ALMS1: variants seen among roughly 807,000 people sequenced by gnomAD.
The protein encoded by ALMS1 is centrosome-associated protein ALMS1.
ALMS1 carries 271 observed loss-of-function variants against 352.2 expected under a neutral mutation model. That is an observed-to-expected ratio of 0.77 (90% CI 0.70 to 0.85). ALMS1 has a LOEUF of 0.85. Among genes scored for constraint, ALMS1 ranks in the 40% least tolerant of loss-of-function variants. The pLI is 0.00. For missense variants in ALMS1, 5,445 were observed against 4,870.7 expected (o/e 1.12, Z -3.51); for synonymous variants, 1,865 against 1,761.2 (o/e 1.06, Z -1.48).
At chr2:73,425,517 G>A (rs961043578) in intron 5 of ALMS1, among the ~76,000 whole-genome samples, 1 of 152,094 alleles carries the variant, frequency 6.6e-6, no homozygotes, top group African/African-American at 2.4e-5. Flanking sequence ...TTTTCAAGAG[G>A]AAAGAAACCA....
intron 7 of ALMS1, among the ~76,000 whole-genome samples, chr2:73,437,085 T>C (rs997246808): frequency 6.6e-6 from 1 of 151,902 alleles, no homozygotes; most frequent in Admixed American, 6.6e-5. Flanking sequence ...TAGTTCTTAA[T>C]TGCTCACCAC....
In ALMS1 at chr2:73,460,795, C is replaced by G. The variant is rs528279301; in HGVS notation, c.7674+5500C>G. On this transcript the variant is annotated intron_variant, in intron 9 of 22. Transcript: ENST00000613296. ...AACGGCACACCAGGAGATTATATCC[C>G]GCACATGGCTCGGAGGGTCCTACGC... Among the ~76,000 whole-genome samples the G allele has an allele frequency of 8.9e-4, 136 of 152,346 alleles. 1 individual carries two copies. Among genetic ancestry groups the G allele is most frequent in the South Asian group, 1.9e-3 (9 of 4,830 alleles).
At chr2:73,387,043 G>A (rs1054115964) in intron 1 of ALMS1, among the ~76,000 whole-genome samples, 2 of 152,194 alleles carry the variant, frequency 1.3e-5, no homozygotes, top group South Asian at 4.1e-4. Flanking sequence ...GTTCTTACCG[G>A]TTTTCAAGTG....
chr2:73,438,208 A>G (rs546110434), intron 7 of ALMS1, among the ~76,000 whole-genome samples: 2 of 152,330 alleles, frequency 1.3e-5, no homozygotes, highest in South Asian at 4.1e-4. Context: ...ATTTGTGTCC[A>G]TGTTTGATTC....
Position 73,469,576 on chromosome 2 carries a change from A to G in ALMS1, c.7674+14281A>G, listed in dbSNP as rs538725197. 32 of 152,116 alleles carry G rather than the reference A, an allele frequency of 2.1e-4. No homozygotes were observed. The South Asian group carries it at 6.6e-3, about 32-fold the overall frequency. The allele number at this position is 152,116 out of a possible 1,614,324, so 9.4% of individuals were successfully genotyped here. On this transcript the variant is annotated intron_variant, in intron 9 of 22. Transcript: ENST00000613296. Reference sequence around the variant, plus strand: ...AACAGAAGCGTGTAACAGATTAAACATTATGAGAGAGAAAAACTTTATTGA... The same window carrying G: ...AACAGAAGCGTGTAACAGATTAAACGTTATGAGAGAGAAAAACTTTATTGA...
chr2:73,578,739 A>G (rs1675107310), intron 16 of ALMS1, among the ~76,000 whole-genome samples: 1 of 152,188 alleles, frequency 6.6e-6, no homozygotes, highest in African/African-American at 2.4e-5. Flanking sequence ...CACAGATTAC[A>G]TCTTCATTTT....
In ALMS1 at chr2:73,408,728, G is replaced by A. The variant is rs890212033; in HGVS notation, c.431G>A (p.Arg144Gln). Residue 144 changes from arginine (R) to glutamine (Q), a missense_variant, in exon 2 of 23, where the codon CGG becomes CAG. Coordinates refer to ENST00000613296, the MANE Select transcript of ALMS1 (RefSeq NM_001378454.1). ...NVVCLETTAQ[R>Q]GSGDDQKTES... ...GTCTGTTTGGAAACAACAGCTCAGC[G>A]GGGTTCTGGGGATGATCAGGTATGT... The A allele has an allele frequency of 5.0e-6, 8 of 1,613,038 alleles. No homozygotes were observed. Among genetic ancestry groups the A allele is most frequent in the East Asian group, 4.5e-5 (2 of 44,852 alleles).
chr2:73,508,426 C>T (rs562167493), intron 10 of ALMS1, among the ~76,000 whole-genome samples: 16 of 151,994 alleles, frequency 1.1e-4, no homozygotes, highest in South Asian at 4.2e-4. Context: ...AGGATGGTCT[C>T]GATCTCCTGA....
At chr2:73,404,487 A>T (rs1271631947) in intron 1 of ALMS1, among the ~76,000 whole-genome samples, 1 of 151,366 alleles carries the variant, frequency 6.6e-6, no homozygotes, top group Non-Finnish European at 1.5e-5. Flanking sequence ...TTTTTAAATA[A>T]TGAAAGGGTG....
At chr2:73,436,003 T>A (rs1671598276) in intron 7 of ALMS1, among the ~76,000 whole-genome samples, 2 of 152,258 alleles carry the variant, frequency 1.3e-5, no homozygotes, top group African/African-American at 4.8e-5. Flanking sequence ...ATTTGTTTTG[T>A]TATGAAAATG....
At chr2:73,583,006 G>C (rs531081981) in intron 16 of ALMS1, among the ~76,000 whole-genome samples, 2 of 151,590 alleles carry the variant, frequency 1.3e-5, no homozygotes, top group African/African-American at 4.9e-5. Flanking sequence ...CAATGTACAA[G>C]GGTTCTAATT....
At chr2:73,596,375 A>G (rs750822806) in intron 16 of ALMS1, among the ~76,000 whole-genome samples, 6 of 152,012 alleles carry the variant, frequency 3.9e-5, no homozygotes, top group Non-Finnish European at 5.9e-5. Flanking sequence ...ATTTTCTCCA[A>G]TTAGTTGCTT....
At chr2:73,585,273 G>A (rs147269575) in intron 16 of ALMS1, among the ~76,000 whole-genome samples, 1,914 of 151,790 alleles carry the variant, frequency 0.013, 48 homozygotes, top group African/African-American at 0.044. Flanking sequence ...TTTTCACCAC[G>A]TCCACACCAA....
chr2:73,573,371 A>C lies in ALMS1; in HGVS notation c.11494A>C (p.Asn3832His). ...KRSKHSKKVL[N>H]TGHPLVTSEH... ...GAGCAAACACAGCAAGAAAGTGCTGAATACAGGTCATCCCCTAGTGACTTC... is the reference window on the plus strand; with the variant it reads ...GAGCAAACACAGCAAGAAAGTGCTGCATACAGGTCATCCCCTAGTGACTTC... The change falls in exon 16 of 23, where the codon AAT (asparagine) becomes CAT (histidine). Residue 3832 changes from asparagine (N) to histidine (H), a missense_variant. Asn to His is a moderately conservative substitution (Grantham distance 68). Coordinates refer to ENST00000613296, the MANE Select transcript of ALMS1 (RefSeq NM_001378454.1). 1 of 1,614,128 alleles carries C rather than the reference A, an allele frequency of 6.2e-7. No individual in the cohort carries two copies.
chr2:73,487,250 G>A (rs1672870263), intron 9 of ALMS1, among the ~76,000 whole-genome samples: 1 of 152,212 alleles, frequency 6.6e-6, no homozygotes, highest in Admixed American at 6.5e-5. Context: ...CATGAGCCAG[G>A]TGTGGAGTGG....
chr2:73,480,949 T>G lies in ALMS1; in HGVS notation c.7675-8685T>G, dbSNP rs1322373820. On this transcript the variant is annotated intron_variant, in intron 9 of 22. Transcript: ENST00000613296. The stretch of plus-strand genomic sequence containing the variant: ...TTTGTTTTTTTCTTGTAAATTTGTT[T>G]GAGTTCATTGTAGATTCTGGATATT... 1.5e-4 allele frequency among the ~76,000 whole-genome samples: 23 copies of G among 149,494 alleles called. 1 individual carries two copies. Among genetic ancestry groups the G allele is most frequent in the South Asian group, 4.3e-4 (2 of 4,656 alleles).
At chr2:73,529,683 T>C (rs1363725959) in intron 11 of ALMS1, among the ~76,000 whole-genome samples, 1 of 152,140 alleles carries the variant, frequency 6.6e-6, no homozygotes, top group Admixed American at 6.5e-5. Context: ...CTTGTAGAGG[T>C]ACCACCGTGG....
intron 2 of ALMS1, among the ~76,000 whole-genome samples, chr2:73,418,903 A>G (rs1671231103): frequency 6.6e-6 from 1 of 152,200 alleles, no homozygotes; most frequent in South Asian, 2.1e-4. Context: ...AACTTAGTAT[A>G]AAAGGTTTTT....
rs1343417364 is a variant in ALMS1 at position 73,519,915 on chromosome 2, A to G, written c.9680A>G (p.His3227Arg). 1.2e-6 allele frequency: 2 copies of G among 1,614,152 alleles called. No homozygotes were observed. The highest frequency in any genetic ancestry group is 2.2e-5 in the East Asian group (1 of 44,870). The change falls in exon 11 of 23, where the codon CAT becomes CGT. Residue 3227 changes from histidine to arginine, a missense_variant. Physicochemically the swap from His to Arg is conservative, Grantham distance 29 (BLOSUM62 0). Transcript: ENST00000613296. ...TTTATTAATGCTGAAGATCGTGGAC[A>G]TGAAATTATAGAGCCTGGTAACCAG... is the stretch of plus-strand genomic sequence containing the variant. The part of the protein sequence containing the change: ...EIFINAEDRG[H>R]EIIEPGNQKL...
Sources: allele counts gnomAD v4.1 joint callset (sites outside exome capture counted in the v4.1 genomes callset), GRCh38; gene constraint gnomAD v4.1.1; transcripts MANE v1.5; gene names NCBI Gene and HGNC (gene_info 2026-07-23, HGNC 2026-07-21).